The following GLRA2 variants were observed in gnomAD, a reference collection of about 807,000 sequenced individuals.
The protein encoded by GLRA2 is glycine receptor subunit alpha-2.
GLRA2 carries 11 observed loss-of-function variants against 31.6 expected under a neutral mutation model. The ratio of observed to expected loss-of-function variants is 0.35; its 90% confidence interval spans 0.22 to 0.58. The LOEUF (loss-of-function observed/expected upper bound fraction) is 0.58, where lower values mean the gene tolerates loss of function less well. GLRA2 is among the 20% of genes least tolerant of loss of function. The pLI, the probability that GLRA2 is intolerant of heterozygous loss-of-function variation, is 0.84. For synonymous variants in GLRA2, 132 were observed against 134.0 expected, an observed-to-expected ratio of 0.99 and a Z score of 0.10; for missense variants, 212 against 351.8, an observed-to-expected ratio of 0.60 and a Z score of 3.18.
chrX:14,598,772 A>G (rs3027377), intron 4 of GLRA2, among the ~76,000 whole-genome samples: 29,713 of 111,455 alleles, frequency 0.27, 2,949 homozygotes, highest in Non-Finnish European at 0.3. Flanking sequence ...AATTTGTTCA[A>G]TAAATATTTC....
At chrX:14,634,811 G>A (rs2090691044) in intron 7 of GLRA2, among the ~76,000 whole-genome samples, 1 of 111,869 alleles carries the variant, frequency 8.9e-6, no homozygotes, top group Non-Finnish European at 1.9e-5. Context: ...CAAGGGCTTT[G>A]GTTAGAGATC....
chrX:14,702,735 G>T (rs1480074091), intron 8 of GLRA2, among the ~76,000 whole-genome samples: 2 of 111,438 alleles, frequency 1.8e-5, no homozygotes, highest in East Asian at 2.8e-4. Context: ...TGTCACGGGG[G>T]TTCAAGGGAT....
intron 8 of GLRA2, among the ~76,000 whole-genome samples, chrX:14,702,615 T>C (rs867177585): frequency 9.0e-6 from 1 of 111,432 alleles, no homozygotes; most frequent in Non-Finnish European, 1.9e-5. Flanking sequence ...CACTACAAAC[T>C]TAATGGCTTA....
chrX:14,681,093 G>T (rs987350926), intron 7 of GLRA2, among the ~76,000 whole-genome samples: 2 of 112,281 alleles, frequency 1.8e-5, no homozygotes, highest in Non-Finnish European at 3.8e-5. Context: ...CTAGGTTAAA[G>T]GTGCACAACG....
the GLRA2 span, among the ~76,000 whole-genome samples, chrX:14,488,322 C>A: frequency 8.9e-6 from 1 of 112,185 alleles, no homozygotes; most frequent in Non-Finnish European, 1.9e-5. Flanking sequence ...GCACTTGAAG[C>A]CCCATTACCA....
the GLRA2 span, among the ~76,000 whole-genome samples, chrX:14,484,780 A>G: frequency 8.9e-6 from 1 of 111,776 alleles, no homozygotes; most frequent in Non-Finnish European, 1.9e-5. Flanking sequence ...CACATAGTTA[A>G]TAAGGTCATA....
chrX:14,476,980 C>A, the GLRA2 span, among the ~76,000 whole-genome samples: 1 of 111,658 alleles, frequency 9.0e-6, no homozygotes, highest in Admixed American at 9.5e-5. Context: ...TTAGAACAAA[C>A]CAGCTTTAAC....
chrX:14,550,318 A>T, intron 2 of GLRA2, among the ~76,000 whole-genome samples: 1 of 108,826 alleles, frequency 9.2e-6, no homozygotes, highest in African/African-American at 3.3e-5. Context: ...AAGGAAAGGG[A>T]GACTGAAAGT....
chrX:14,612,464 T>C (rs6630698), intron 7 of GLRA2, among the ~76,000 whole-genome samples: 30,271 of 110,243 alleles, frequency 0.27, 3,116 homozygotes, highest in Non-Finnish European at 0.31. Flanking sequence ...CCCAGCGAAC[T>C]CATTACTGGG....
chrX:14,487,082 T>C, the GLRA2 span, among the ~76,000 whole-genome samples: 1 of 110,378 alleles, frequency 9.1e-6, no homozygotes, highest in Non-Finnish European at 1.9e-5. Context: ...TAAACTATAT[T>C]ATATACTAAT....
At chrX:14,625,909 A>G (rs893210232) in intron 7 of GLRA2, among the ~76,000 whole-genome samples, 4 of 111,862 alleles carry the variant, frequency 3.6e-5, no homozygotes, top group African/African-American at 1.3e-4. Context: ...TGAGGATACT[A>G]AGGCACAGAA....
chrX:14,678,037 G>T (rs5935788), intron 7 of GLRA2, among the ~76,000 whole-genome samples: 6,623 of 111,685 alleles, frequency 0.059, 203 homozygotes, highest in Middle Eastern at 0.093. Flanking sequence ...ACTGCTCCCT[G>T]GTTGTGACAA....
At chrX:14,455,002 GTTC>G in the GLRA2 span, among the ~76,000 whole-genome samples, 3 of 111,659 alleles carry the variant, frequency 2.7e-5, no homozygotes, top group African/African-American at 9.7e-5. Context: ...TAATGTGTTT[GTTC>G]TTCTGTTAAT....
chrX:14,457,362 C>A, the GLRA2 span, among the ~76,000 whole-genome samples: 5 of 109,627 alleles, frequency 4.6e-5, no homozygotes, highest in African/African-American at 1.7e-4. Context: ...CCCCCCACCC[C>A]CCACGGGCCC....
intron 7 of GLRA2, among the ~76,000 whole-genome samples, chrX:14,632,610 ATCG>A (rs1324118507): frequency 9.0e-6 from 1 of 111,510 alleles, no homozygotes; most frequent in Non-Finnish European, 1.9e-5. Flanking sequence ...TCAAGGTAAT[ATCG>A]TTCAACATAT....
chrX:14,582,492 G>A (rs2090032650), intron 4 of GLRA2, among the ~76,000 whole-genome samples: 1 of 110,279 alleles, frequency 9.1e-6, no homozygotes, highest in Non-Finnish European at 1.9e-5. Context: ...TTGGTTCCAA[G>A]TCTTTGCTAT....
intron 7 of GLRA2, among the ~76,000 whole-genome samples, chrX:14,635,642 TGGAC>T (rs750267767): frequency 1.8e-5 from 2 of 111,602 alleles, no homozygotes; most frequent in South Asian, 7.5e-4. Flanking sequence ...CAGGAGAAAA[TGGAC>T]GGTTTAGCAA....
At chrX:14,667,227 A>C (rs2091045991) in intron 7 of GLRA2, among the ~76,000 whole-genome samples, 1 of 112,465 alleles carries the variant, frequency 8.9e-6, no homozygotes, top group African/African-American at 3.2e-5. Flanking sequence ...TGATCATTAA[A>C]ATTAGAGAAA....
At chrX:14,614,019 A>T (rs772989308) in intron 7 of GLRA2, among the ~76,000 whole-genome samples, 1 of 111,870 alleles carries the variant, frequency 8.9e-6, no homozygotes, top group South Asian at 3.7e-4. Context: ...CTGAAACAAA[A>T]CTTCAGTCTC....
Sources: gnomAD v4.1 joint callset for allele counts (sites outside exome capture counted in the v4.1 genomes callset) on GRCh38, gnomAD v4.1.1 for gene constraint, MANE v1.5 for transcripts, NCBI Gene and HGNC (gene_info 2026-07-23, HGNC 2026-07-21) for gene names.